Variants in RBPMS2 observed in about 807,000 individuals in gnomAD.
RBPMS2 encodes RNA binding protein, mRNA processing factor 2.
RBPMS2 carries 14 observed loss-of-function variants against 25.7 expected under a neutral mutation model. The ratio of observed to expected loss-of-function variants is 0.55; its 90% CI spans 0.36 to 0.85. RBPMS2 has a LOEUF of 0.85. RBPMS2 is among the 40% of genes least tolerant of loss of function. The pLI, the probability that RBPMS2 is intolerant of heterozygous loss-of-function variation, is 0.01. For synonymous variants in RBPMS2, 127 were observed against 115.6 expected (o/e 1.10, Z -0.63); for missense variants, 252 against 283.4 (o/e 0.89, Z 0.80).
At position 64,755,312 on chromosome 15, in the gene RBPMS2, G is replaced by A. The variant is rs370152311; in HGVS notation, c.88-3674C>T. On this transcript the variant is annotated intron_variant, in intron 1 of 7. Coordinates refer to ENST00000300069, the MANE Select transcript of RBPMS2 (RefSeq NM_194272.3). ...CCCTGGCCACCTCTCAGGTGGTCAA[G>A]GCAGTCACGGATGAGCTGGTGGGCC... Among the ~76,000 whole-genome samples the A allele has an allele frequency of 9.0e-4, 137 of 152,272 alleles. 5 individuals are homozygous for A. The South Asian group carries it at 0.027, about 30-fold the overall frequency.
At chr15:64,742,477 C>T (rs897494725) in intron 6 of RBPMS2, among the ~76,000 whole-genome samples, 2 of 152,240 alleles carry the variant, frequency 1.3e-5, no homozygotes, top group African/African-American at 4.8e-5. Flanking sequence ...TTCCCAGAGA[C>T]TGGTCAAGAA....
chr15:64,768,942 T>C (rs1300360637), intron 1 of RBPMS2, among the ~76,000 whole-genome samples: 12 of 147,936 alleles, frequency 8.1e-5, no homozygotes, highest in Non-Finnish European at 4.5e-5. Flanking sequence ...CTACTAAAAA[T>C]ACAAAAAAAT....
chr15:64,741,101 G>A (rs897102919), intron 7 of RBPMS2, 72 bp downstream of exon 7: 5 of 1,205,782 alleles, frequency 4.1e-6, no homozygotes, highest in Non-Finnish European at 6.0e-6. Flanking sequence ...CCGGGGCAGA[G>A]GGAGGAACTA....
At chr15:64,773,633 G>C (rs1350852830) in intron 1 of RBPMS2, among the ~76,000 whole-genome samples, 3 of 152,178 alleles carry the variant, frequency 2.0e-5, no homozygotes, top group African/African-American at 4.8e-5. Context: ...CAGTGGGTCT[G>C]AGGGTTTGCC....
At chr15:64,744,703 G>A (rs190466766) in intron 6 of RBPMS2, among the ~76,000 whole-genome samples, 19 of 149,998 alleles carry the variant, frequency 1.3e-4, no homozygotes, top group Non-Finnish European at 2.4e-4. Flanking sequence ...GGACACATTC[G>A]TACAATGGTG....
chr15:64,750,464 C>T (rs2083666709), intron 2 of RBPMS2, 83 bp from the exon 3 acceptor site: 5 of 1,200,218 alleles, frequency 4.2e-6, no homozygotes, highest in Admixed American at 1.7e-5. Context: ...TCAGCCCCCG[C>T]GTTCCCCTGA....
chr15:64,741,292 C>T lies in RBPMS2; in HGVS notation c.568-50G>A, dbSNP rs763689931. 4 of 1,428,680 alleles carry T rather than the reference C, an allele frequency of 2.8e-6. No homozygotes were observed. The South Asian group carries it at 4.9e-5, about 18-fold the overall frequency. 88.5% of individuals were successfully genotyped at this position (1,428,680 alleles called of 1,614,324 possible). On this transcript the variant is annotated intron_variant, in intron 6 of 7. Coordinates refer to ENST00000300069, the MANE Select transcript of RBPMS2 (RefSeq NM_194272.3). ...GCCAGCTGTGCATCCCTTCCCTCAA[C>T]AGGAAGCCAGGTAACCATGGCCATC...
chr15:64,766,553 G>C (rs891951407), intron 1 of RBPMS2, among the ~76,000 whole-genome samples: 4 of 150,756 alleles, frequency 2.7e-5, no homozygotes, highest in Non-Finnish European at 5.9e-5. Flanking sequence ...TTAAGATGGA[G>C]TCTCGCTCTG....
At chr15:64,759,867 T>A (rs557688587) in intron 1 of RBPMS2, among the ~76,000 whole-genome samples, 1 of 152,180 alleles carries the variant, frequency 6.6e-6, no homozygotes, top group Non-Finnish European at 1.5e-5. Context: ...GAGATGGGGT[T>A]CCGCCATGTT....
At chr15:64,775,007 G>C (rs959158029) in intron 1 of RBPMS2, among the ~76,000 whole-genome samples, 1 of 150,638 alleles carries the variant, frequency 6.6e-6, no homozygotes, top group African/African-American at 2.4e-5. Context: ...GGCCCGCCTC[G>C]AGCCCGAGAG....
In RBPMS2 at chr15:64,765,159, G is replaced by A. The variant is rs191461713; in HGVS notation, c.87+10074C>T. The stretch of plus-strand genomic sequence containing the variant: ...GAAGAATGACATGAACCCATGAGGC[G>A]GAAGTTGCAGTGAGCCGAGATTGCG... On this transcript the variant is annotated intron_variant, in intron 1 of 7. Transcript: ENST00000300069. Among the ~76,000 whole-genome samples the A allele has an allele frequency of 1.1e-4, 16 of 149,754 alleles. No homozygotes were observed. In the East Asian group the frequency reaches 2.9e-3, roughly 28 times the overall value.
At chr15:64,748,589 T>C (rs928437802) in intron 5 of RBPMS2, 22 bp from the exon 6 acceptor site, 2 of 1,520,340 alleles carry the variant, frequency 1.3e-6, no homozygotes, top group Non-Finnish European at 1.8e-6. Context: ...GACAATGGCC[T>C]CCATCATCAG....
intron 1 of RBPMS2, among the ~76,000 whole-genome samples, 195 bp from the exon 2 acceptor site, chr15:64,751,833 T>C (rs1482641690): frequency 6.6e-6 from 1 of 152,156 alleles, no homozygotes; most frequent in Non-Finnish European, 1.5e-5. Context: ...TTCCTTTCTC[T>C]GGGTACATCC....
chr15:64,755,919 A>G (rs936761240), intron 1 of RBPMS2, among the ~76,000 whole-genome samples: 1 of 150,856 alleles, frequency 6.6e-6, no homozygotes, highest in African/African-American at 2.4e-5. Flanking sequence ...CTCCTTAACT[A>G]AAGGTATCCA....
intron 6 of RBPMS2, among the ~76,000 whole-genome samples, chr15:64,743,670 C>T (rs1387877320): frequency 1.3e-5 from 2 of 152,188 alleles, no homozygotes; most frequent in Admixed American, 6.5e-5. Context: ...GAGTACCCCC[C>T]ACAGGCTATA....
intron 1 of RBPMS2, among the ~76,000 whole-genome samples, chr15:64,756,648 C>CTT (rs532762359): frequency 1.1e-4 from 16 of 140,998 alleles, no homozygotes; most frequent in South Asian, 6.8e-4. Context: ...TTTTTCATTT[C>CTT]TTTTTTTTTT....
chr15:64,749,265 G>C, intron 4 of RBPMS2, 115 bp from the exon 5 acceptor site: 2 of 1,396,180 alleles, frequency 1.4e-6, no homozygotes, highest in Non-Finnish European at 2.0e-6. Flanking sequence ...TGCCCACACG[G>C]TGGCTGAGGC....
chr15:64,750,421 C>A, intron 2 of RBPMS2, 40 bp from the exon 3 acceptor site: 1 of 1,588,256 alleles, frequency 6.3e-7, no homozygotes, highest in South Asian at 1.1e-5. Context: ...AGGTCAGAAG[C>A]GTATGTTGTG....
At chr15:64,769,501 A>C (rs556521694) in intron 1 of RBPMS2, among the ~76,000 whole-genome samples, 168 of 145,276 alleles carry the variant, frequency 1.2e-3, no homozygotes, top group African/African-American at 4.3e-3. Context: ...CTACTAAAAA[A>C]TACAAAAAAT....
Sources: allele counts gnomAD v4.1 joint callset (sites outside exome capture counted in the v4.1 genomes callset), GRCh38; gene constraint gnomAD v4.1.1; transcripts MANE v1.5; gene names NCBI Gene and HGNC (gene_info 2026-07-23, HGNC 2026-07-21).